Variants in DLG2 observed in about 807,000 individuals in gnomAD.
The protein encoded by DLG2 is disks large homolog 2.
Under a neutral mutation model 132.5 loss-of-function variants are expected in DLG2, and 45 were observed. The observed-to-expected ratio is 0.34, with a 90% CI of 0.27 to 0.44. The LOEUF is 0.44. DLG2 is among the 20% of genes least tolerant of loss of function. The pLI, the probability that DLG2 is intolerant of heterozygous loss-of-function variation, is 1.00. For missense variants in DLG2, 1,045 were observed against 1,196.9 expected (o/e 0.87, Z 1.87); for synonymous variants, 424 against 419.6 (o/e 1.01, Z -0.13).
intron 18 of DLG2, among the ~76,000 whole-genome samples, chr11:83,770,242 C>T (rs532913983): frequency 5.2e-5 from 6 of 114,618 alleles, no homozygotes; most frequent in East Asian, 2.3e-4. Context: ...CCTTTTGTCT[C>T]GTGGTGTCTG....
intron 3 of DLG2, among the ~76,000 whole-genome samples, chr11:85,296,670 C>G (rs1242612777): frequency 6.6e-6 from 1 of 151,148 alleles, no homozygotes; most frequent in African/African-American, 2.4e-5. Flanking sequence ...GTATCACATT[C>G]CACTGCACCA....
intron 11 of DLG2, among the ~76,000 whole-genome samples, chr11:84,054,597 A>G (rs1478791236): frequency 2.0e-5 from 3 of 152,090 alleles, no homozygotes; most frequent in Non-Finnish European, 2.9e-5. Context: ...TTACTGAAAT[A>G]TATGGCTATA....
chr11:85,036,120 C>G (rs2061416735), intron 6 of DLG2, among the ~76,000 whole-genome samples: 1 of 152,192 alleles, frequency 6.6e-6, no homozygotes, highest in African/African-American at 2.4e-5. Flanking sequence ...GTGCCTATCT[C>G]AAAATGTTAT....
At chr11:85,361,017 T>A (rs1001847239) in intron 3 of DLG2, among the ~76,000 whole-genome samples, 6 of 151,882 alleles carry the variant, frequency 4.0e-5, no homozygotes, top group African/African-American at 1.5e-4. Context: ...TACAGCTCTA[T>A]GAAAAAAAAA....
In DLG2 at chr11:84,785,163, TGTCTCTTAC is replaced by T. The variant is rs547774284; in HGVS notation, c.358-250441_358-250433del. On this transcript the variant is annotated intron_variant, in intron 6 of 27. Transcript: ENST00000376104. ...AAAACAAGGCTATATATGGTTTGCATGTCTCTTACGTTTCTTTTAATCTACAGGATCTCC... is the reference window on the plus strand; with the variant it reads ...AAAACAAGGCTATATATGGTTTGCATGTTTCTTTTAATCTACAGGATCTCC... Among the ~76,000 whole-genome samples the T allele has an allele frequency of 3.8e-4, 55 of 144,914 alleles. 1 individual carries two copies. Among genetic ancestry groups the T allele is most frequent in the Non-Finnish European group, 7.4e-4 (50 of 67,936 alleles).
chr11:84,623,351 C>T (rs979454827), intron 6 of DLG2, among the ~76,000 whole-genome samples: 4 of 152,150 alleles, frequency 2.6e-5, no homozygotes, highest in African/African-American at 9.7e-5. Flanking sequence ...ACTCATTAAA[C>T]TCCACTCAAG....
chr11:83,906,057 C>CTT (rs2074641038), intron 15 of DLG2, among the ~76,000 whole-genome samples: 1 of 58,612 alleles, frequency 1.7e-5, no homozygotes. Context: ...CTGTCTGTCT[C>CTT]TCTCTCTCTC....
chr11:84,917,435 A>G (rs894791379), intron 6 of DLG2, among the ~76,000 whole-genome samples: 1 of 152,208 alleles, frequency 6.6e-6, no homozygotes, highest in Non-Finnish European at 1.5e-5. Context: ...TAGATTGCTA[A>G]AAAGGTTTCC....
intron 3 of DLG2, chr11:85,509,795 A>T (rs2094016205): frequency 6.6e-6 from 1 of 152,086 alleles, no homozygotes; most frequent in Non-Finnish European, 1.5e-5. Context: ...ATGAATTAAA[A>T]TCACAACTGT....
chr11:83,663,127 A>C (rs1046990208), intron 18 of DLG2, among the ~76,000 whole-genome samples: 1 of 152,218 alleles, frequency 6.6e-6, no homozygotes, highest in African/African-American at 2.4e-5. Context: ...TTTAATGTTC[A>C]ATAAATATAT....
chr11:84,234,571 A>G (rs2154338426), intron 8 of DLG2, among the ~76,000 whole-genome samples: 1 of 152,290 alleles, frequency 6.6e-6, no homozygotes, highest in East Asian at 1.9e-4. Context: ...CAACCAACCA[A>G]ATGGACCCCT....
chr11:85,233,078 T>C (rs943583926), intron 4 of DLG2, among the ~76,000 whole-genome samples: 1 of 151,944 alleles, frequency 6.6e-6, no homozygotes, highest in African/African-American at 2.4e-5. Flanking sequence ...TTGCAATAGT[T>C]TGGTAGATTT....
chr11:83,524,519 T>C (rs1468261822), intron 21 of DLG2, among the ~76,000 whole-genome samples: 1 of 152,144 alleles, frequency 6.6e-6, no homozygotes, highest in Admixed American at 6.5e-5. Context: ...TTACCTGAAT[T>C]ACTGAAATGG....
In DLG2 at chr11:84,789,610, T is replaced by C. The variant is rs1440847046; in HGVS notation, c.358-254879A>G. 3.3e-5 allele frequency among the ~76,000 whole-genome samples: 5 copies of C among 152,186 alleles called. No homozygotes were observed. In the East Asian group the frequency reaches 9.6e-4, roughly 29 times the overall value. ...TTTAAATGTGCAATTAAATTATTAT[T>C]GACTACAGTCACCTTGCTGTGCTAT... On this transcript the variant is annotated intron_variant, in intron 6 of 27. Transcript: ENST00000376104.
At position 83,562,658 on chromosome 11, in the gene DLG2, T is replaced by C. The variant is rs138324707; in HGVS notation, c.1941-20800A>G. Among the ~76,000 whole-genome samples, 446 of 152,300 alleles carry C rather than the reference T, an allele frequency of 2.9e-3. 5 individuals carry two copies. The highest frequency in any genetic ancestry group is 9.6e-3 in the African/African-American group (401 of 41,572). ...AGAATTTATATTGTTTCTAAGCAAATAGGTACATATCAGTACAATCTGTGT... is the reference window on the plus strand; with the variant it reads ...AGAATTTATATTGTTTCTAAGCAAACAGGTACATATCAGTACAATCTGTGT... On this transcript the variant is annotated intron_variant, in intron 19 of 27. Coordinates refer to ENST00000376104, the MANE Select transcript of DLG2 (RefSeq NM_001142699.3).
intron 19 of DLG2, among the ~76,000 whole-genome samples, chr11:83,577,832 T>C (rs1323516582): frequency 2.4e-5 from 3 of 126,978 alleles, no homozygotes; most frequent in Non-Finnish European, 4.7e-5. Flanking sequence ...ATATTAAATA[T>C]ATATTATATA....
At chr11:83,580,369 A>C (rs1034489431) in intron 19 of DLG2, among the ~76,000 whole-genome samples, 9 of 152,130 alleles carry the variant, frequency 5.9e-5, no homozygotes, top group Non-Finnish European at 1.0e-4. Context: ...AGGAAAAAAA[A>C]AAACATTTAT....
chr11:84,618,997 A>G, intron 6 of DLG2, among the ~76,000 whole-genome samples: 1 of 152,066 alleles, frequency 6.6e-6, no homozygotes, highest in East Asian at 1.9e-4. Context: ...CAAATTTAGT[A>G]AAGGTATAGA....
chr11:85,551,191 T>C (rs566428710), intron 3 of DLG2, among the ~76,000 whole-genome samples: 1 of 152,326 alleles, frequency 6.6e-6, no homozygotes, highest in Non-Finnish European at 1.5e-5. Context: ...ACATCATCTC[T>C]ATATACTGAG....
Sources: allele counts gnomAD v4.1 joint callset (sites outside exome capture counted in the v4.1 genomes callset), GRCh38; gene constraint gnomAD v4.1.1; transcripts MANE v1.5; gene names NCBI Gene and HGNC (gene_info 2026-07-23, HGNC 2026-07-21).